Variants in STXBP6 observed in about 807,000 individuals in gnomAD.
STXBP6 encodes the protein syntaxin-binding protein 6.
STXBP6 carries 21 observed loss-of-function variants against 26.9 expected under a neutral mutation model. The ratio of observed to expected loss-of-function variants is 0.78; its 90% CI spans 0.55 to 1.12. The LOEUF (loss-of-function observed/expected upper bound fraction) is 1.12, where lower values mean the gene tolerates loss of function less well. STXBP6 is among the 50% of genes most tolerant of loss of function. The probability of loss-of-function intolerance (pLI) is 0.00; values close to 1 mark genes in which losing one functional copy is unlikely to be tolerated. For missense variants in STXBP6, 232 were observed against 257.9 expected (o/e 0.90, Z 0.69); for synonymous variants, 97 against 92.6 (o/e 1.05, Z -0.27).
In STXBP6 at chr14:25,024,948, G is replaced by A. The variant is rs562671335; in HGVS notation, c.-33+24930C>T. On this transcript the variant is annotated intron_variant, in intron 1 of 5. Transcript: ENST00000323944. ...TGATTTTTTTTGTTGTTGTTTCTAT[G>A]TTTCAAAAATACCCACATGGAAAGG... Among the ~76,000 whole-genome samples, 8 of 152,112 alleles carry A rather than the reference G, an allele frequency of 5.3e-5. No homozygotes were observed. In the East Asian group the frequency reaches 1.5e-3, roughly 29 times the overall value.
chr14:25,032,066 A>G (rs1394619896), intron 1 of STXBP6, among the ~76,000 whole-genome samples: 6 of 152,224 alleles, frequency 3.9e-5, no homozygotes, highest in Admixed American at 3.9e-4. Flanking sequence ...TTGAAGTGAC[A>G]GAGATGGAAA....
intron 2 of STXBP6, among the ~76,000 whole-genome samples, chr14:24,961,190 T>A (rs1484851464): frequency 1.3e-5 from 2 of 152,120 alleles, no homozygotes; most frequent in African/African-American, 4.8e-5. Context: ...ATACCACATG[T>A]CACTTTTAAG....
At chr14:24,985,169 C>T (rs1367369463) in intron 1 of STXBP6, among the ~76,000 whole-genome samples, 1 of 152,194 alleles carries the variant, frequency 6.6e-6, no homozygotes, top group African/African-American at 2.4e-5. Flanking sequence ...AGGAGTTGCA[C>T]AGCCTTATTA....
chr14:24,850,636 C>T, intron 4 of STXBP6, among the ~76,000 whole-genome samples: 1 of 152,090 alleles, frequency 6.6e-6, no homozygotes, highest in East Asian at 1.9e-4. Context: ...TCAGCCATCC[C>T]CTTACTGTCA....
At chr14:24,902,788 T>C (rs1204613670) in intron 2 of STXBP6, among the ~76,000 whole-genome samples, 1 of 152,016 alleles carries the variant, frequency 6.6e-6, no homozygotes, top group African/African-American at 2.4e-5. Flanking sequence ...GTTGATGAGA[T>C]GGGTATAGCA....
intron 1 of STXBP6, among the ~76,000 whole-genome samples, chr14:25,023,359 T>C (rs1215866865): frequency 6.6e-6 from 1 of 152,224 alleles, no homozygotes; most frequent in African/African-American, 2.4e-5. Flanking sequence ...TGAAATTCTT[T>C]TTGTTTTCAA....
chr14:24,925,166 G>C (rs1381953218), intron 2 of STXBP6, among the ~76,000 whole-genome samples: 1 of 152,150 alleles, frequency 6.6e-6, no homozygotes, highest in African/African-American at 2.4e-5. Context: ...TCATCAAATG[G>C]TAAATTACCT....
intron 2 of STXBP6, among the ~76,000 whole-genome samples, chr14:24,917,385 A>T (rs543311424): frequency 6.6e-6 from 1 of 152,224 alleles, no homozygotes; most frequent in South Asian, 2.1e-4. Context: ...AGACGGTGAG[A>T]AAAGGCTGTC....
chr14:24,928,813 T>C (rs1195194994), intron 2 of STXBP6, among the ~76,000 whole-genome samples: 1 of 152,166 alleles, frequency 6.6e-6, no homozygotes, highest in African/African-American at 2.4e-5. Context: ...ATTGCTAGTG[T>C]TCTAGAGCAT....
chr14:24,976,318 T>C (rs149348277), intron 1 of STXBP6, among the ~76,000 whole-genome samples: 6 of 152,352 alleles, frequency 3.9e-5, no homozygotes, highest in African/African-American at 1.4e-4. Context: ...AAGTGATATA[T>C]TAAAAAAGAA....
chr14:24,930,440 T>C (rs2072343081), intron 2 of STXBP6, among the ~76,000 whole-genome samples: 1 of 152,246 alleles, frequency 6.6e-6, no homozygotes, highest in Non-Finnish European at 1.5e-5. Context: ...ATGATGTCCT[T>C]GAAAAGAAAT....
intron 2 of STXBP6, among the ~76,000 whole-genome samples, chr14:24,912,387 T>A (rs1450944314): frequency 6.6e-6 from 1 of 151,272 alleles, no homozygotes; most frequent in Non-Finnish European, 1.5e-5. Context: ...GATAATAATG[T>A]TTGGTATTGT....
intron 1 of STXBP6, among the ~76,000 whole-genome samples, chr14:25,000,213 C>T (rs919123441): frequency 1.3e-5 from 2 of 152,068 alleles, no homozygotes; most frequent in African/African-American, 4.8e-5. Context: ...CAGGCGCCTG[C>T]CACCACGCCT....
At chr14:24,856,351 C>G (rs1409175206) in intron 3 of STXBP6, among the ~76,000 whole-genome samples, 2 of 152,048 alleles carry the variant, frequency 1.3e-5, no homozygotes, top group African/African-American at 4.8e-5. Flanking sequence ...TAAACACTGA[C>G]AAATGTCAGA....
Position 24,818,923 on chromosome 14 carries a change from G to T in STXBP6, c.609+114C>A, listed in dbSNP as rs530270891. 2.7e-4 allele frequency: 372 copies of T among 1,373,218 alleles called. 6 individuals are homozygous for T. The South Asian group carries it at 5.4e-3, about 20-fold the overall frequency. The allele number at this position is 1,373,218 out of a possible 1,614,324, so 85.1% of individuals were successfully genotyped here. A position where few individuals can be genotyped will look rare whatever the true frequency, so the allele number is the denominator to read the frequency against. ...GTAGCAGATGGGAATTACATAAAGG[G>T]GAAATAGCTTAATTTTATATCTCTC... On this transcript the variant is annotated intron_variant, in intron 5 of 5. Transcript: ENST00000323944.
At chr14:24,983,371 A>G (rs2074248412) in intron 1 of STXBP6, among the ~76,000 whole-genome samples, 1 of 152,228 alleles carries the variant, frequency 6.6e-6, no homozygotes, top group African/African-American at 2.4e-5. Context: ...ACAGCACTGG[A>G]AATAGCCAAA....
chr14:24,948,744 G>C (rs545615124), intron 2 of STXBP6, among the ~76,000 whole-genome samples: 4 of 152,252 alleles, frequency 2.6e-5, no homozygotes, highest in Non-Finnish European at 5.9e-5. Context: ...AAAATTAATA[G>C]CAGGTAATAG....
intron 1 of STXBP6, among the ~76,000 whole-genome samples, chr14:24,996,779 CG>C (rs1555339190): frequency 1.4e-5 from 2 of 143,876 alleles, no homozygotes; most frequent in Non-Finnish European, 3.0e-5. Context: ...CGCTTGAACC[CG>C]GGAGACAGAG....
intron 4 of STXBP6, among the ~76,000 whole-genome samples, chr14:24,828,569 T>C (rs928649622): frequency 6.6e-6 from 1 of 152,140 alleles, no homozygotes; most frequent in Non-Finnish European, 1.5e-5. Flanking sequence ...AATGGGCAAA[T>C]ACAGAAAACT....
Sources: gnomAD v4.1 joint callset for allele counts (sites outside exome capture counted in the v4.1 genomes callset) on GRCh38, gnomAD v4.1.1 for gene constraint, MANE v1.5 for transcripts, NCBI Gene and HGNC (gene_info 2026-07-23, HGNC 2026-07-21) for gene names.